Variants in OPCML observed in about 807,000 individuals in gnomAD.
OPCML encodes the protein opioid-binding protein/cell adhesion molecule.
A neutral mutation model predicts 37.8 loss-of-function variants in OPCML; 13 were observed. The ratio of observed to expected loss-of-function variants is 0.34; its 90% confidence interval spans 0.22 to 0.55. The LOEUF (loss-of-function observed/expected upper bound fraction) is 0.55. Ranked by LOEUF, OPCML falls within the 20% of genes least tolerant of loss-of-function variation. The pLI, the probability that OPCML is intolerant of heterozygous loss-of-function variation, is 0.91. For synonymous variants in OPCML, 176 were observed against 168.8 expected, an observed-to-expected ratio of 1.04 and a Z score of -0.33; for missense variants, 341 against 435.6, an observed-to-expected ratio of 0.78 and a Z score of 1.93.
intron 1 of OPCML, among the ~76,000 whole-genome samples, chr11:133,428,772 C>T (rs1460401127): frequency 6.6e-6 from 1 of 151,988 alleles, no homozygotes; most frequent in Non-Finnish European, 1.5e-5. Flanking sequence ...ACATGAATGT[C>T]CCTGTATTAT....
chr11:132,599,148 A>G (rs951153145), intron 3 of OPCML, among the ~76,000 whole-genome samples: 4 of 152,124 alleles, frequency 2.6e-5, no homozygotes, highest in Non-Finnish European at 5.9e-5. Context: ...GAGTGGTGGC[A>G]TATGCCTATA....
chr11:132,549,650 A>G (rs1391117769), intron 3 of OPCML, among the ~76,000 whole-genome samples: 1 of 152,244 alleles, frequency 6.6e-6, no homozygotes, highest in African/African-American at 2.4e-5. Context: ...GACATAGACA[A>G]GCAAGCTGGG....
At chr11:133,088,791 G>T (rs1948858226) in intron 1 of OPCML, among the ~76,000 whole-genome samples, 1 of 152,156 alleles carries the variant, frequency 6.6e-6, no homozygotes, top group African/African-American at 2.4e-5. Context: ...AAATGTTTTG[G>T]TTACCATCTG....
At chr11:133,087,644 T>C (rs564543403) in intron 1 of OPCML, among the ~76,000 whole-genome samples, 4 of 152,380 alleles carry the variant, frequency 2.6e-5, no homozygotes, top group African/African-American at 9.6e-5. Context: ...AGCCAACACG[T>C]ATGACTACAG....
At chr11:132,598,397 G>A (rs1441505408) in intron 3 of OPCML, among the ~76,000 whole-genome samples, 2 of 152,114 alleles carry the variant, frequency 1.3e-5, no homozygotes, top group Non-Finnish European at 2.9e-5. Context: ...TTAAGTCGAG[G>A]CATGGGAGAC....
At chr11:132,625,947 A>G (rs1340884948) in intron 3 of OPCML, among the ~76,000 whole-genome samples, 1 of 152,008 alleles carries the variant, frequency 6.6e-6, no homozygotes, top group Non-Finnish European at 1.5e-5. Context: ...CCACATCTCT[A>G]TTGTAGCACT....
chr11:133,232,777 G>C (rs12577803), intron 1 of OPCML, among the ~76,000 whole-genome samples: 21,789 of 152,080 alleles, frequency 0.14, 2,291 homozygotes, highest in East Asian at 0.53. Context: ...GGGGAAAGAG[G>C]AGGGGAAAAG....
chr11:133,266,018 G>A (rs1469540904), intron 1 of OPCML, among the ~76,000 whole-genome samples: 1 of 151,986 alleles, frequency 6.6e-6, no homozygotes, highest in Non-Finnish European at 1.5e-5. Flanking sequence ...AGGCACACAG[G>A]CCAAGAATCA....
chr11:132,963,624 G>A (rs1946143526), intron 1 of OPCML, among the ~76,000 whole-genome samples: 1 of 151,498 alleles, frequency 6.6e-6, no homozygotes, highest in African/African-American at 2.4e-5. Context: ...CTCTTGCGGT[G>A]AGAATGTCCT....
chr11:132,591,015 A>G (rs1214732890), intron 3 of OPCML, among the ~76,000 whole-genome samples: 1 of 152,072 alleles, frequency 6.6e-6, no homozygotes, highest in African/African-American at 2.4e-5. Context: ...TTTAAAACCA[A>G]TGTCCCCTAG....
rs542209518 is a variant in OPCML, at chr11:132,653,748, A to G, written c.379+3339T>C. On this transcript the variant is annotated intron_variant, in intron 3 of 7. Transcript: ENST00000524381. The stretch of plus-strand genomic sequence containing the variant: ...CTCAGGCGCTCCCATGGCAGGAGGG[A>G]TAAAGCTGAGTCCCTTAGGCGTGCA... Among the ~76,000 whole-genome samples, 6 of 152,298 alleles carry G rather than the reference A, an allele frequency of 3.9e-5. No homozygotes were observed. The South Asian group carries it at 1.0e-3, about 26-fold the overall frequency.
chr11:133,404,333 C>T (rs201147167), intron 1 of OPCML, among the ~76,000 whole-genome samples: 16 of 152,328 alleles, frequency 1.1e-4, no homozygotes, highest in East Asian at 7.7e-4. Context: ...TTCGCAGGCG[C>T]GAGGAGTAGA....
chr11:133,418,654 G>T (rs540498331), intron 1 of OPCML: 2 of 171,746 alleles, frequency 1.2e-5, no homozygotes, highest in South Asian at 3.9e-4. Context: ...ACTCCTTAAA[G>T]TAAGGTTGAT....
intron 6 of OPCML, among the ~76,000 whole-genome samples, 162 bp downstream of exon 6, chr11:132,436,497 A>AT (rs932026867): frequency 6.6e-5 from 10 of 152,134 alleles, no homozygotes; most frequent in Admixed American, 2.0e-4. Flanking sequence ...AGCCTCCTCC[A>AT]TTTTTTTTCT....
intron 2 of OPCML, among the ~76,000 whole-genome samples, chr11:132,718,061 G>A (rs1944552983): frequency 6.6e-6 from 1 of 152,196 alleles, no homozygotes; most frequent in Admixed American, 6.5e-5. Flanking sequence ...TCCCAGCCCA[G>A]CTGGGGAACC....
chr11:133,522,796 A>G (rs775129003), intron 1 of OPCML, among the ~76,000 whole-genome samples: 2 of 152,194 alleles, frequency 1.3e-5, no homozygotes, highest in Non-Finnish European at 1.5e-5. Context: ...CATCTATAAA[A>G]TGAAAGCACT....
intron 3 of OPCML, among the ~76,000 whole-genome samples, chr11:132,588,157 G>T (rs1230346139): frequency 6.6e-6 from 1 of 152,064 alleles, no homozygotes; most frequent in Non-Finnish European, 1.5e-5. Flanking sequence ...CTGGTGGTAG[G>T]GCTGCTTTCA....
At chr11:133,268,857 G>A (rs1370668238) in intron 1 of OPCML, among the ~76,000 whole-genome samples, 1 of 152,182 alleles carries the variant, frequency 6.6e-6, no homozygotes, top group Non-Finnish European at 1.5e-5. Context: ...GCTAAGTAAT[G>A]CACACATTTC....
At chr11:133,065,043 G>A (rs1053728384) in intron 1 of OPCML, 3 of 152,152 alleles carry the variant, frequency 2.0e-5, no homozygotes, top group Non-Finnish European at 4.4e-5. Context: ...CAAGGTGCCT[G>A]GTGGCCTCAC....
Sources: allele counts gnomAD v4.1 joint callset (sites outside exome capture counted in the v4.1 genomes callset), GRCh38; gene constraint gnomAD v4.1.1; transcripts MANE v1.5; gene names NCBI Gene and HGNC (gene_info 2026-07-23, HGNC 2026-07-21).